Variants in XDH observed in about 807,000 individuals in gnomAD.
XDH encodes xanthine dehydrogenase/oxidase.
In XDH, 138 loss-of-function variants were observed where a neutral mutation model predicts 156.1. The ratio of observed to expected loss-of-function variants is 0.88; its 90% confidence interval spans 0.77 to 1.02. The LOEUF (loss-of-function observed/expected upper bound fraction) is 1.02, where lower values mean the gene tolerates loss of function less well. XDH is among the 50% of genes least tolerant of loss of function. XDH has a pLI of 0.00. For missense variants in XDH, 1,849 were observed against 1,684.9 expected (o/e 1.10, Z -1.71); for synonymous variants, 669 against 625.7 (o/e 1.07, Z -1.03).
At chr2:31,364,266 G>C in intron 23 of XDH, 22 bp from the exon 24 acceptor site, 2 of 1,612,662 alleles carry the variant, frequency 1.2e-6, no homozygotes, top group Non-Finnish European at 1.7e-6. Context: ...AGAAAGGAGA[G>C]GGATTTATCA....
At chr2:31,369,534 C>G (rs1686014619) in intron 18 of XDH, among the ~76,000 whole-genome samples, 1 of 152,108 alleles carries the variant, frequency 6.6e-6, no homozygotes, top group African/African-American at 2.4e-5. Context: ...ATAATTATCT[C>G]TTATGGCCCA....
At chr2:31,380,066 T>C in intron 12 of XDH, 90 bp from the exon 13 acceptor site, 1 of 1,263,004 alleles carries the variant, frequency 7.9e-7, no homozygotes, top group South Asian at 1.2e-5. Context: ...GTGGGATTCT[T>C]CATGCTGGTC....
intron 15 of XDH, among the ~76,000 whole-genome samples, chr2:31,374,497 A>C (rs901594355): frequency 6.6e-6 from 1 of 152,234 alleles, no homozygotes; most frequent in Non-Finnish European, 1.5e-5. Flanking sequence ...GAGATGGGGC[A>C]GACAAACAGT....
At chr2:31,375,236 T>C in intron 15 of XDH, 144 bp downstream of exon 15, 1 of 1,136,266 alleles carries the variant, frequency 8.8e-7, no homozygotes. Context: ...CACTCCCATT[T>C]CCAAGATTCT....
At chr2:31,365,617 A>C in intron 22 of XDH, 73 bp from the exon 23 acceptor site, 1 of 1,570,728 alleles carries the variant, frequency 6.4e-7, no homozygotes, top group East Asian at 2.2e-5. Flanking sequence ...CTCAGAATAA[A>C]AACAGCCGGG....
chr2:31,383,215 C>T, intron 10 of XDH, 63 bp from the exon 11 acceptor site: 1 of 1,611,632 alleles, frequency 6.2e-7, no homozygotes, highest in East Asian at 2.2e-5. Flanking sequence ...CTTTCATGCA[C>T]AGCTCCTCTG....
At position 31,341,336 on chromosome 2, in the gene XDH, A is replaced by G. The variant is rs1169297460; in HGVS notation, c.3578T>C (p.Ile1193Thr). 1.3e-6 allele frequency: 2 copies of G among 1,573,126 alleles called. No individual in the cohort carries two copies. The highest frequency in any genetic ancestry group is 1.3e-5 in the African/African-American group (1 of 74,404). ...GGTCCCACTGAGCCTCACCTGTCCA[A>G]TATCAATGGCAGGGTTTAGACTGGA... is the stretch of plus-strand genomic sequence containing the variant. ...VGSSLNPAIDIGQVEGAFVQG... is the reference protein window; with the variant it reads ...VGSSLNPAIDTGQVEGAFVQG... The change falls in exon 33 of 36, where the codon ATT becomes ACT. Residue 1193 changes from isoleucine to threonine, a missense_variant. Ile to Thr is a moderately conservative substitution (Grantham distance 89). Coordinates refer to ENST00000379416, the MANE Select transcript of XDH (RefSeq NM_000379.4).
Position 31,366,855 on chromosome 2 carries a change from C to T in XDH, c.2322+15G>A, listed in dbSNP as rs564309127. 5 of 1,613,906 alleles carry T rather than the reference C, an allele frequency of 3.1e-6. No individual in the cohort carries two copies. In the South Asian group the frequency reaches 5.5e-5, roughly 18 times the overall value. ...TACCCTGACAGCCCCTTGAGCTGACCCAAAAGGCATCTACCTGGGTCTTCA... is the reference window on the plus strand; with the variant it reads ...TACCCTGACAGCCCCTTGAGCTGACTCAAAAGGCATCTACCTGGGTCTTCA... On this transcript the variant is annotated intron_variant, in intron 21 of 35. Transcript: ENST00000379416.
intron 2 of XDH, among the ~76,000 whole-genome samples, chr2:31,404,359 T>C (rs1687141320): frequency 6.6e-6 from 1 of 152,152 alleles, no homozygotes; most frequent in East Asian, 1.9e-4. Context: ...TCTAGCAAGG[T>C]CTTCTTCCAG....
intron 16 of XDH, among the ~76,000 whole-genome samples, chr2:31,373,372 A>T (rs1375854031): frequency 6.6e-6 from 1 of 152,132 alleles, no homozygotes; most frequent in African/African-American, 2.4e-5. Context: ...AAGGCAACAC[A>T]CTCATTCATT....
chr2:31,357,061 A>G (rs1356812402), intron 24 of XDH, among the ~76,000 whole-genome samples: 2 of 152,172 alleles, frequency 1.3e-5, no homozygotes, highest in African/African-American at 4.8e-5. Flanking sequence ...ATGAAATACA[A>G]CATACCAAAA....
chr2:31,345,528 C>T (rs141359916), intron 30 of XDH, among the ~76,000 whole-genome samples: 6 of 152,308 alleles, frequency 3.9e-5, no homozygotes, highest in East Asian at 3.9e-4. Context: ...GTGTCACACG[C>T]GCTATTTAGC....
At position 31,365,960 on chromosome 2, in the gene XDH, A is replaced by T; in HGVS notation, c.2456+16T>A. 6.2e-7 allele frequency: 1 copy of T among 1,614,166 alleles called. No individual in the cohort carries two copies. ...CTTCCCAGAGCCAGATGGGAGAAAC[A>T]GGCTTTGGAACTCACTTATATGCAG... On this transcript the variant is annotated intron_variant, in intron 22 of 35. Coordinates refer to ENST00000379416, the MANE Select transcript of XDH (RefSeq NM_000379.4).
At chr2:31,395,697 T>C (rs1686883588) in intron 6 of XDH, among the ~76,000 whole-genome samples, 1 of 152,214 alleles carries the variant, frequency 6.6e-6, no homozygotes, top group African/African-American at 2.4e-5. Flanking sequence ...CAAAGGTTCC[T>C]GCAGAGGTTT....
chr2:31,406,235 T>C (rs950644632), intron 1 of XDH, among the ~76,000 whole-genome samples: 9 of 152,178 alleles, frequency 5.9e-5, no homozygotes, highest in Admixed American at 2.6e-4. Context: ...TCACGAGATA[T>C]TTAAAAGTAT....
At chr2:31,365,834 G>A (rs193135774) in intron 22 of XDH, 142 bp downstream of exon 22, 1 of 1,409,812 alleles carries the variant, frequency 7.1e-7, no homozygotes, top group Non-Finnish European at 9.7e-7. Flanking sequence ...TATGCCCAAG[G>A]GTTCTAAAAA....
chr2:31,407,609 A>C (rs1292822476), intron 1 of XDH, among the ~76,000 whole-genome samples: 1 of 152,184 alleles, frequency 6.6e-6, no homozygotes, highest in Admixed American at 6.5e-5. Context: ...CACAAGAAGA[A>C]TGAAAGGTCA....
At position 31,401,057 on chromosome 2, in the gene XDH, G is replaced by A. The variant is rs45459191; in HGVS notation, c.306+163C>T. Among the ~76,000 whole-genome samples, 435 of 152,268 alleles carry A rather than the reference G, an allele frequency of 2.9e-3. 5 individuals are homozygous for A. Among genetic ancestry groups the A allele is most frequent in the Non-Finnish European group, 4.2e-3 (286 of 68,010 alleles). Reference sequence around the variant, plus strand: ...TGGGTGTTTCTTCTTTTCACCTCACGGTACCCAGAGGAGATGGGGAGGTGG... The same window carrying A: ...TGGGTGTTTCTTCTTTTCACCTCACAGTACCCAGAGGAGATGGGGAGGTGG... On this transcript the variant is annotated intron_variant, in intron 4 of 35. Transcript: ENST00000379416.
intron 26 of XDH, 87 bp from the exon 27 acceptor site, chr2:31,349,067 T>A (rs1199346547): frequency 2.3e-6 from 3 of 1,325,374 alleles, no homozygotes; most frequent in Admixed American, 1.9e-5. Flanking sequence ...AAACAGGACA[T>A]CCTTGGGGTT....
Sources: gnomAD v4.1 joint callset for allele counts (sites outside exome capture counted in the v4.1 genomes callset) on GRCh38, gnomAD v4.1.1 for gene constraint, MANE v1.5 for transcripts, NCBI Gene and HGNC (gene_info 2026-07-23, HGNC 2026-07-21) for gene names.